Variants in LRRTM4 observed in about 807,000 individuals in gnomAD.
LRRTM4 encodes leucine-rich repeat transmembrane neuronal protein 4.
LRRTM4 carries 25 observed loss-of-function variants against 47.6 expected under a neutral mutation model. The ratio of observed to expected loss-of-function variants is 0.53; its 90% CI spans 0.38 to 0.73. The LOEUF is 0.73. LRRTM4 is among the 30% of genes least tolerant of loss of function. The probability of loss-of-function intolerance (pLI) is 0.00; values close to 1 mark genes in which losing one functional copy is unlikely to be tolerated. For synonymous variants in LRRTM4, 311 were observed against 269.5 expected (o/e 1.15, Z -1.51); for missense variants, 638 against 713.4 (o/e 0.89, Z 1.20).
intron 3 of LRRTM4, among the ~76,000 whole-genome samples, chr2:76,936,166 T>G (rs969556334): frequency 6.6e-6 from 1 of 152,102 alleles, no homozygotes; most frequent in Admixed American, 6.5e-5. Flanking sequence ...CTGTTCACAA[T>G]AGCAAAGACT....
At chr2:77,048,959 ACT>A (rs973220498) in intron 3 of LRRTM4, among the ~76,000 whole-genome samples, 3 of 150,386 alleles carry the variant, frequency 2.0e-5, no homozygotes, top group East Asian at 2.0e-4. Flanking sequence ...CCACCACTCT[ACT>A]CTCTATTAGT....
chr2:77,019,470 T>G (rs76370247), intron 3 of LRRTM4, among the ~76,000 whole-genome samples: 2,187 of 152,170 alleles, frequency 0.014, 60 homozygotes, highest in African/African-American at 0.049. Flanking sequence ...AAACCTTTTC[T>G]AAGCCTCAGT....
intron 3 of LRRTM4, among the ~76,000 whole-genome samples, chr2:77,195,421 A>T (rs1673793033): frequency 6.6e-6 from 1 of 152,102 alleles, no homozygotes; most frequent in African/African-American, 2.4e-5. Context: ...TGAATAAACA[A>T]GACCATTACA....
chr2:77,262,320 T>G (rs1163530533), intron 3 of LRRTM4, among the ~76,000 whole-genome samples: 1 of 151,866 alleles, frequency 6.6e-6, no homozygotes, highest in Non-Finnish European at 1.5e-5. Context: ...CATAGAAAAA[T>G]TGTCTTCCAC....
chr2:77,432,892 A>G (rs1409521890), intron 3 of LRRTM4, among the ~76,000 whole-genome samples: 2 of 152,192 alleles, frequency 1.3e-5, no homozygotes, highest in Non-Finnish European at 2.9e-5. Context: ...ACTTCTTACT[A>G]AGATTTTCTT....
At chr2:77,129,079 T>C (rs1671727675) in intron 3 of LRRTM4, among the ~76,000 whole-genome samples, 1 of 152,206 alleles carries the variant, frequency 6.6e-6, no homozygotes, top group Non-Finnish European at 1.5e-5. Context: ...TCTTTGAATC[T>C]CCTTTGTCTT....
chr2:77,359,944 A>C (rs1672119423), intron 3 of LRRTM4, among the ~76,000 whole-genome samples: 1 of 152,198 alleles, frequency 6.6e-6, no homozygotes, highest in Admixed American at 6.5e-5. Flanking sequence ...AATGATACCA[A>C]AATTTTTACA....
intron 3 of LRRTM4, among the ~76,000 whole-genome samples, chr2:76,832,912 C>A (rs1671394994): frequency 6.6e-6 from 1 of 151,852 alleles, no homozygotes; most frequent in Non-Finnish European, 1.5e-5. Context: ...ACTACAGGAC[C>A]CAGAGGAATT....
chr2:77,210,759 A>G lies in LRRTM4; in HGVS notation c.1551+307559T>C, dbSNP rs575011114. Among the ~76,000 whole-genome samples the G allele has an allele frequency of 3.9e-5, 6 of 152,238 alleles. No homozygotes were observed. The East Asian group carries it at 9.7e-4, about 25-fold the overall frequency. ...AAATTGAGAGCCTGTTTGAAGTTCCACCTGAGGCCATTCAGCTAATAATTT... is the reference window on the plus strand; with the variant it reads ...AAATTGAGAGCCTGTTTGAAGTTCCGCCTGAGGCCATTCAGCTAATAATTT... On this transcript the variant is annotated intron_variant, in intron 3 of 3. Coordinates refer to ENST00000409884, the MANE Select transcript of LRRTM4 (RefSeq NM_001134745.3).
intron 3 of LRRTM4, among the ~76,000 whole-genome samples, chr2:77,290,823 T>G (rs1014612089): frequency 1.2e-4 from 18 of 152,202 alleles, no homozygotes; most frequent in Admixed American, 4.6e-4. Context: ...TTTTAAAAAT[T>G]TTCCAGCCAT....
chr2:77,322,860 C>T (rs1159783568), intron 3 of LRRTM4, among the ~76,000 whole-genome samples: 1 of 150,148 alleles, frequency 6.7e-6, no homozygotes, highest in Non-Finnish European at 1.5e-5. Context: ...TTTCTTCCAC[C>T]CCAGCTTATT....
intron 3 of LRRTM4, among the ~76,000 whole-genome samples, chr2:77,180,861 T>C (rs891019065): frequency 6.6e-6 from 1 of 152,152 alleles, no homozygotes; most frequent in Non-Finnish European, 1.5e-5. Context: ...AGACGTTGTA[T>C]GCATACTCTC....
chr2:76,759,515 C>T (rs953853090), intron 3 of LRRTM4, among the ~76,000 whole-genome samples: 7 of 152,056 alleles, frequency 4.6e-5, no homozygotes, highest in African/African-American at 1.4e-4. Flanking sequence ...AAACCTGCCC[C>T]TGGGTGTATG....
chr2:76,890,566 AC>A (rs1278823894), intron 3 of LRRTM4, among the ~76,000 whole-genome samples: 1 of 151,980 alleles, frequency 6.6e-6, no homozygotes, highest in Non-Finnish European at 1.5e-5. Context: ...TTATACCTTA[AC>A]AAAATAAACA....
chr2:77,155,595 A>G (rs910223606), intron 3 of LRRTM4, among the ~76,000 whole-genome samples: 1 of 151,972 alleles, frequency 6.6e-6, no homozygotes, highest in Non-Finnish European at 1.5e-5. Context: ...ATAACTTATA[A>G]TACATAACTA....
intron 3 of LRRTM4, among the ~76,000 whole-genome samples, chr2:77,415,957 T>G (rs1674620539): frequency 6.6e-6 from 1 of 152,138 alleles, no homozygotes; most frequent in Non-Finnish European, 1.5e-5. Context: ...TGGATTTATT[T>G]TTGGTTACTA....
At chr2:76,957,274 T>G (rs1256284757) in intron 3 of LRRTM4, among the ~76,000 whole-genome samples, 3 of 151,672 alleles carry the variant, frequency 2.0e-5, no homozygotes, top group Non-Finnish European at 4.4e-5. Flanking sequence ...AAATGGAAAG[T>G]CATTGTTCAA....
intron 3 of LRRTM4, among the ~76,000 whole-genome samples, chr2:77,259,856 C>T (rs941886347): frequency 1.1e-4 from 16 of 152,022 alleles, no homozygotes; most frequent in African/African-American, 3.4e-4. Flanking sequence ...AACACCTACT[C>T]GTTTGATGAA....
At chr2:77,409,236 T>G (rs755875878) in intron 3 of LRRTM4, among the ~76,000 whole-genome samples, 3 of 152,190 alleles carry the variant, frequency 2.0e-5, no homozygotes, top group Non-Finnish European at 2.9e-5. Flanking sequence ...TGTCTTTGTC[T>G]TAATCCATCT....
Sources: allele counts gnomAD v4.1 joint callset (sites outside exome capture counted in the v4.1 genomes callset), GRCh38; gene constraint gnomAD v4.1.1; transcripts MANE v1.5; gene names NCBI Gene and HGNC (gene_info 2026-07-23, HGNC 2026-07-21).